The following DCC variants were observed in gnomAD, a reference collection of about 807,000 sequenced individuals.
DCC encodes the protein netrin receptor DCC.
In DCC, 58 loss-of-function variants were observed where a neutral mutation model predicts 172.5. That is an observed-to-expected ratio of 0.34 (90% confidence interval 0.27 to 0.42). The LOEUF (loss-of-function observed/expected upper bound fraction) is 0.42, where lower values mean the gene tolerates loss of function less well. Among genes scored for constraint, DCC ranks in the 10% least tolerant of loss-of-function variants. The probability of loss-of-function intolerance (pLI) is 1.00; values close to 1 mark genes in which losing one functional copy is unlikely to be tolerated. For missense variants in DCC, 1,740 were observed against 1,791.0 expected, an observed-to-expected ratio of 0.97 and a Z score of 0.51; for synonymous variants, 709 against 644.5, an observed-to-expected ratio of 1.10 and a Z score of -1.52.
chr18:53,112,006 G>A (rs1488031468), intron 7 of DCC, among the ~76,000 whole-genome samples: 1 of 151,488 alleles, frequency 6.6e-6, no homozygotes, highest in Non-Finnish European at 1.5e-5. Context: ...GTTGATCTGA[G>A]TGGATACTGG....
At chr18:52,931,172 TG>T (rs1260455730) in intron 5 of DCC, among the ~76,000 whole-genome samples, 1 of 152,084 alleles carries the variant, frequency 6.6e-6, no homozygotes, top group East Asian at 1.9e-4. Context: ...AATGAATATT[TG>T]TATAATGTTT....
At chr18:53,196,567 G>C (rs2055445952) in intron 9 of DCC, among the ~76,000 whole-genome samples, 1 of 152,030 alleles carries the variant, frequency 6.6e-6, no homozygotes, top group African/African-American at 2.4e-5. Context: ...TCTTCACAGG[G>C]AGTCACTGAA....
At chr18:52,508,072 C>A (rs1471152193) in intron 1 of DCC, among the ~76,000 whole-genome samples, 1 of 151,336 alleles carries the variant, frequency 6.6e-6, no homozygotes, top group Non-Finnish European at 1.5e-5. Flanking sequence ...TGCACTCCAG[C>A]CTGGGTGACA....
At chr18:53,245,731 G>GT (rs2056357775) in intron 12 of DCC, among the ~76,000 whole-genome samples, 1 of 152,062 alleles carries the variant, frequency 6.6e-6, no homozygotes, top group Non-Finnish European at 1.5e-5. Flanking sequence ...TAATCCTTGT[G>GT]TATCAGTTAG....
At chr18:52,665,515 T>A (rs1332506052) in intron 1 of DCC, among the ~76,000 whole-genome samples, 1 of 152,200 alleles carries the variant, frequency 6.6e-6, no homozygotes, top group Non-Finnish European at 1.5e-5. Context: ...GTGGAGCAGA[T>A]GTGCTTGAAG....
chr18:53,168,776 T>G (rs1443255756), intron 8 of DCC, among the ~76,000 whole-genome samples: 1 of 152,000 alleles, frequency 6.6e-6, no homozygotes, highest in African/African-American at 2.4e-5. Flanking sequence ...GAAGCTGACA[T>G]GAACATAGGG....
In DCC at chr18:53,174,696, C is replaced by T. The variant is rs573883440; in HGVS notation, c.1419-4266C>T. On this transcript the variant is annotated intron_variant, in intron 8 of 28. Coordinates refer to ENST00000442544, the MANE Select transcript of DCC (RefSeq NM_005215.4). ...GTGGCAATAATCAATAGCTTACCAA[C>T]CAAAAAGAGTCCAGGACCAGATGGA... Among the ~76,000 whole-genome samples the T allele has an allele frequency of 6.6e-3, 971 of 146,968 alleles. 8 individuals are homozygous for T. The highest frequency in any genetic ancestry group is 0.023 in the African/African-American group (903 of 39,762).
At chr18:52,702,640 A>G (rs183823965) in intron 1 of DCC, among the ~76,000 whole-genome samples, 158 of 152,160 alleles carry the variant, frequency 1.0e-3, no homozygotes, top group Non-Finnish European at 1.9e-3. Flanking sequence ...TTTTCTTTCC[A>G]TCTAGTACAG....
At chr18:53,215,851 G>T (rs2144579656) in intron 12 of DCC, among the ~76,000 whole-genome samples, 1 of 152,266 alleles carries the variant, frequency 6.6e-6, no homozygotes, top group East Asian at 1.9e-4. Flanking sequence ...TTTTGTGAAT[G>T]TTTTAGTGGC....
chr18:53,348,435 G>C (rs1486478439), intron 15 of DCC, among the ~76,000 whole-genome samples: 1 of 152,148 alleles, frequency 6.6e-6, no homozygotes, highest in African/African-American at 2.4e-5. Context: ...CCTCCTGGCT[G>C]CTTTTATAGG....
intron 1 of DCC, among the ~76,000 whole-genome samples, chr18:52,565,526 C>A (rs983780868): frequency 9.9e-5 from 15 of 152,044 alleles, no homozygotes; most frequent in African/African-American, 3.4e-4. Flanking sequence ...TTTTAATGAT[C>A]GCCATTCTAA....
At position 52,497,276 on chromosome 18, in the gene DCC, AAAAAATATATATATAT is replaced by A. The variant is rs1191236400; in HGVS notation, c.91+156400_91+156415del. ...ACCCTGTATCAAAAAAAAAAAAAAA[AAAAAATATATATATAT>A]ATATATATATATATATATATATACA... On this transcript the variant is annotated intron_variant, in intron 1 of 28. Transcript: ENST00000442544. Among the ~76,000 whole-genome samples the A allele has an allele frequency of 5.5e-5, 4 of 73,032 alleles. 1 individual carries two copies. Among genetic ancestry groups the A allele is most frequent in the Non-Finnish European group, 7.9e-5 (3 of 37,804 alleles). The allele number at this position is 73,032 out of a possible 152,430, so 47.9% of individuals were successfully genotyped here.
intron 9 of DCC, among the ~76,000 whole-genome samples, chr18:53,192,946 T>A (rs959973001): frequency 2.0e-5 from 3 of 152,174 alleles, no homozygotes; most frequent in African/African-American, 7.2e-5. Flanking sequence ...GATGCTTCCA[T>A]CAACTTCACT....
chr18:53,049,317 G>C (rs1389131274), intron 5 of DCC, among the ~76,000 whole-genome samples: 1 of 151,982 alleles, frequency 6.6e-6, no homozygotes. Context: ...AATAGTTTTA[G>C]GTTTAATATT....
intron 1 of DCC, among the ~76,000 whole-genome samples, chr18:52,564,307 A>T (rs530601851): frequency 6.6e-6 from 1 of 152,110 alleles, no homozygotes; most frequent in South Asian, 2.1e-4. Context: ...CAGAGAGATG[A>T]AGTTATTTTG....
chr18:53,362,782 C>A (rs532487077), intron 15 of DCC, among the ~76,000 whole-genome samples: 1 of 152,084 alleles, frequency 6.6e-6, no homozygotes. Flanking sequence ...ACCCTTCCAC[C>A]GCCTTACAAA....
Position 53,468,365 on chromosome 18 carries a change from T to TA in DCC, c.3736+355_3736+356insA, listed in dbSNP as rs2045650810. 1.9e-4 allele frequency among the ~76,000 whole-genome samples: 25 copies of TA among 133,218 alleles called. No individual in the cohort carries two copies. The South Asian group carries it at 2.2e-3, about 12-fold the overall frequency. 87.4% of individuals were successfully genotyped at this position (133,218 alleles called of 152,430 possible). The stretch of plus-strand genomic sequence containing the variant: ...ATTTTTATTTATTTATTTATTTATT[T>TA]TATTTATTTATTTATTTTATTTATT... On this transcript the variant is annotated intron_variant, in intron 25 of 28. Coordinates refer to ENST00000442544, the MANE Select transcript of DCC (RefSeq NM_005215.4).
At chr18:52,850,616 C>T (rs1331979431) in intron 2 of DCC, among the ~76,000 whole-genome samples, 1 of 152,080 alleles carries the variant, frequency 6.6e-6, no homozygotes, top group African/African-American at 2.4e-5. Flanking sequence ...GCCTCCTTGA[C>T]AGTTTTTTTC....
At chr18:53,081,709 C>T (rs950789779) in intron 7 of DCC, among the ~76,000 whole-genome samples, 5 of 151,912 alleles carry the variant, frequency 3.3e-5, no homozygotes, top group Admixed American at 1.3e-4. Context: ...AGCAGGCCCC[C>T]GCTTTTTCTA....
Sources: allele counts gnomAD v4.1 joint callset (sites outside exome capture counted in the v4.1 genomes callset), GRCh38; gene constraint gnomAD v4.1.1; transcripts MANE v1.5; gene names NCBI Gene and HGNC (gene_info 2026-07-23, HGNC 2026-07-21).